TSNARE1: variants seen among roughly 807,000 people sequenced by gnomAD.
TSNARE1 encodes t-SNARE domain containing 1, also known as t-SNARE domain-containing protein 1.
Under a neutral mutation model 62.0 loss-of-function variants are expected in TSNARE1, and 49 were observed. The ratio of observed to expected loss-of-function variants is 0.79; its 90% CI spans 0.63 to 1.00. The LOEUF (loss-of-function observed/expected upper bound fraction) is 1.00, where lower values mean the gene tolerates loss of function less well. Ranked by LOEUF, TSNARE1 falls within the 50% of genes least tolerant of loss-of-function variation. TSNARE1 has a pLI of 0.00. For missense variants in TSNARE1, 755 were observed against 700.1 expected, an observed-to-expected ratio of 1.08 and a Z score of -0.88; for synonymous variants, 328 against 294.4, an observed-to-expected ratio of 1.11 and a Z score of -1.17.
chr8:142,395,148 G>A (rs902072469), intron 1 of TSNARE1, among the ~76,000 whole-genome samples: 2 of 151,994 alleles, frequency 1.3e-5, no homozygotes, highest in African/African-American at 2.4e-5. Flanking sequence ...TCCTCCCATG[G>A]TTATCTTGTG....
intron 12 of TSNARE1, among the ~76,000 whole-genome samples, chr8:142,234,676 G>A (rs1817314829): frequency 6.6e-6 from 1 of 152,204 alleles, no homozygotes; most frequent in African/African-American, 2.4e-5. Context: ...GAGGAAGGAG[G>A]AATGCTGGGC....
At chr8:142,377,244 A>C (rs895298279) in intron 1 of TSNARE1, among the ~76,000 whole-genome samples, 1 of 152,202 alleles carries the variant, frequency 6.6e-6, no homozygotes, top group Non-Finnish European at 1.5e-5. Flanking sequence ...AAAGGGCTAC[A>C]TCACTTACAA....
rs969319938 is a variant in TSNARE1 at position 142,219,932 on chromosome 8, A to G, written c.*12-7619T>C. ...AGCTGAGAGTCACATGCCAGCTGGG[A>G]ACAGCAGGAGGTGAGGAAGAGACGG... On this transcript the variant is annotated intron_variant, in intron 13 of 13. Transcript: ENST00000524325. 5.9e-5 allele frequency among the ~76,000 whole-genome samples: 9 copies of G among 152,272 alleles called. No individual in the cohort carries two copies. In the South Asian group the frequency reaches 1.9e-3, roughly 32 times the overall value.
chr8:142,284,542 G>A, intron 10 of TSNARE1, 57 bp from the exon 11 acceptor site: 1 of 1,346,572 alleles, frequency 7.4e-7, no homozygotes, highest in Non-Finnish European at 1.0e-6. Flanking sequence ...GACACCAAGG[G>A]CACCTGAAAG....
intron 12 of TSNARE1, among the ~76,000 whole-genome samples, chr8:142,232,836 G>A (rs190460750): frequency 1.2e-3 from 178 of 152,366 alleles, no homozygotes; most frequent in African/African-American, 4.1e-3. Context: ...AGAGGGCTCT[G>A]CAGCCCCAGA....
At chr8:142,366,957 C>T (rs1835592287) in intron 1 of TSNARE1, among the ~76,000 whole-genome samples, 1 of 152,194 alleles carries the variant, frequency 6.6e-6, no homozygotes, top group South Asian at 2.1e-4. Context: ...CAGAAATCCA[C>T]AGCCTTCACA....
At chr8:142,278,817 G>T in intron 11 of TSNARE1, 2 of 985,342 alleles carry the variant, frequency 2.0e-6, no homozygotes, top group Non-Finnish European at 2.4e-6. Flanking sequence ...CAGAGGGAGG[G>T]GCCTGCAGAA....
intron 13 of TSNARE1, among the ~76,000 whole-genome samples, chr8:142,222,503 TCCAC>T (rs1283980382): frequency 5.0e-4 from 17 of 34,186 alleles, no homozygotes; most frequent in East Asian, 2.1e-3. Flanking sequence ...CACTCACTCA[TCCAC>T]TCACTCACTC....
intron 9 of TSNARE1, among the ~76,000 whole-genome samples, chr8:142,308,165 C>T (rs776172315): frequency 5.9e-5 from 9 of 152,170 alleles, no homozygotes; most frequent in East Asian, 1.9e-4. Flanking sequence ...GTTGTACAAA[C>T]GCCCTGTCTT....
chr8:142,275,339 G>A, intron 11 of TSNARE1: 2 of 985,422 alleles, frequency 2.0e-6, no homozygotes, highest in Non-Finnish European at 2.4e-6. Context: ...ACACGCACTG[G>A]CCCTCGACTC....
intron 4 of TSNARE1, among the ~76,000 whole-genome samples, chr8:142,332,133 A>G (rs532869319): frequency 4.6e-5 from 7 of 152,350 alleles, no homozygotes; most frequent in Admixed American, 3.9e-4. Flanking sequence ...CCCGGAAGCT[A>G]CGAGCACCTG....
At chr8:142,226,252 G>T (rs79265762) in intron 13 of TSNARE1, among the ~76,000 whole-genome samples, 12,527 of 152,250 alleles carry the variant, frequency 0.082, 698 homozygotes, top group Middle Eastern at 0.15. Flanking sequence ...CTGGCTTGGG[G>T]CTGCACCAGT....
rs1416042453 is a variant in TSNARE1, at chr8:142,314,525, C to T, written c.1075-85G>A. ...AAGAAATGGTCAGCTGAGTGCAGGGCTCTGGACGACGGTGCAGCAAAACAC... is the reference window on the plus strand; with the variant it reads ...AAGAAATGGTCAGCTGAGTGCAGGGTTCTGGACGACGGTGCAGCAAAACAC... On this transcript the variant is annotated intron_variant, in intron 8 of 13. Coordinates refer to ENST00000524325, the MANE Select transcript of TSNARE1 (RefSeq NM_145003.5). 9 of 1,214,110 alleles carry T rather than the reference C, an allele frequency of 7.4e-6. No individual in the cohort carries two copies. The African/African-American group carries it at 1.2e-4, about 16-fold the overall frequency. The allele number at this position is 1,214,110 out of a possible 1,614,324, so 75.2% of individuals were successfully genotyped here.
chr8:142,351,080 A>T (rs1834039575), intron 2 of TSNARE1, among the ~76,000 whole-genome samples: 1 of 152,188 alleles, frequency 6.6e-6, no homozygotes, highest in South Asian at 2.1e-4. Flanking sequence ...ACCAGATGAG[A>T]TGATCTGCTA....
intron 11 of TSNARE1, chr8:142,280,215 G>C (rs1211808801): frequency 2.0e-6 from 2 of 985,400 alleles, no homozygotes; most frequent in South Asian, 4.7e-5. Context: ...TGCGGGAGTG[G>C]GGGCCCGGCC....
intron 6 of TSNARE1, 110 bp downstream of exon 6, chr8:142,330,791 C>T (rs1281583229): frequency 9.0e-7 from 1 of 1,107,282 alleles, no homozygotes; most frequent in Non-Finnish European, 1.4e-6. Context: ...CAGCTGTGCG[C>T]AAGCAGCTGT....
chr8:142,237,993 C>A (rs980957529), intron 12 of TSNARE1, among the ~76,000 whole-genome samples: 6 of 152,116 alleles, frequency 3.9e-5, no homozygotes, highest in African/African-American at 1.4e-4. Flanking sequence ...CCACGCCACC[C>A]GCCCAGGTCT....
intron 1 of TSNARE1, among the ~76,000 whole-genome samples, chr8:142,378,973 T>C (rs1383367402): frequency 2.6e-5 from 4 of 152,162 alleles, no homozygotes; most frequent in African/African-American, 7.2e-5. Flanking sequence ...GCAGGCTCTG[T>C]GGTCGCCAAG....
At chr8:142,374,676 T>C (rs1197916233) in intron 1 of TSNARE1, among the ~76,000 whole-genome samples, 4 of 138,498 alleles carry the variant, frequency 2.9e-5, no homozygotes, top group Non-Finnish European at 4.6e-5. Flanking sequence ...TGAGACGCTG[T>C]CTCAAAAAAA....
Sources: gnomAD v4.1 joint callset for allele counts (sites outside exome capture counted in the v4.1 genomes callset) on GRCh38, gnomAD v4.1.1 for gene constraint, MANE v1.5 for transcripts, NCBI Gene and HGNC (gene_info 2026-07-23, HGNC 2026-07-21) for gene names.